Variants in DCDC1 observed in about 807,000 individuals in gnomAD.
DCDC1 encodes doublecortin domain containing 1, also known as doublecortin domain-containing protein 1.
A neutral mutation model predicts 178.3 loss-of-function variants in DCDC1; 200 were observed. That is an observed-to-expected ratio of 1.12 (90% CI 1.00 to 1.26). The LOEUF is 1.26. Ranked by LOEUF, DCDC1 falls within the 50% of genes most tolerant of loss-of-function variation. The pLI, the probability that DCDC1 is intolerant of heterozygous loss-of-function variation, is 0.00. For missense variants in DCDC1, 1,983 were observed against 1,749.2 expected, an observed-to-expected ratio of 1.13 and a Z score of -2.38; for synonymous variants, 690 against 604.8, an observed-to-expected ratio of 1.14 and a Z score of -2.07.
chr11:30,909,001 T>C lies in DCDC1; in HGVS notation c.3863A>G (p.Asn1288Ser). The change falls in exon 29 of 39, where the codon AAT becomes AGT. Residue 1288 changes from asparagine (N) to serine (S), a missense_variant. By Grantham distance (46) the Asn-to-Ser change is conservative. Coordinates refer to ENST00000684477, the MANE Select transcript of DCDC1 (RefSeq NM_001387274.1). ...AGATGATGTACAGACACCAGCATAA[T>C]TTGCTGATGTAATTTCCTTATCCAA... is the stretch of plus-strand genomic sequence containing the variant. Reference protein sequence around the residue: ...TALDKEITSANYAGVCTSSVI... With the variant: ...TALDKEITSASYAGVCTSSVI... The C allele has an allele frequency of 6.2e-7, 1 of 1,611,210 alleles. No individual in the cohort carries two copies. The highest frequency in any genetic ancestry group is 1.7e-5 in the Admixed American group (1 of 59,844).
At chr11:31,315,305 CCTTTT>C (rs1949012883) in intron 3 of DCDC1, among the ~76,000 whole-genome samples, 3 of 111,054 alleles carry the variant, frequency 2.7e-5, no homozygotes, top group Non-Finnish European at 5.8e-5. Flanking sequence ...ATTTGCATAC[CCTTTT>C]TTTTTTTTTT....
chr11:31,120,976 G>A (rs1402701765), intron 11 of DCDC1, among the ~76,000 whole-genome samples: 2 of 152,174 alleles, frequency 1.3e-5, no homozygotes, highest in Non-Finnish European at 2.9e-5. Flanking sequence ...AAGTCACTGA[G>A]CCATGGCTCT....
chr11:31,202,118 C>T (rs535704460), intron 9 of DCDC1, among the ~76,000 whole-genome samples: 1 of 152,256 alleles, frequency 6.6e-6, no homozygotes, highest in South Asian at 2.1e-4. Context: ...GAATCATGTG[C>T]CATGAAAAAA....
chr11:31,021,768 A>T (rs1952895308), intron 20 of DCDC1, among the ~76,000 whole-genome samples: 1 of 152,210 alleles, frequency 6.6e-6, no homozygotes, highest in African/African-American at 2.4e-5. Flanking sequence ...ATAAAAGCAT[A>T]GAAAGTGCTG....
intron 36 of DCDC1, among the ~76,000 whole-genome samples, chr11:30,886,376 A>T (rs1374468990): frequency 2.6e-5 from 4 of 152,316 alleles, no homozygotes; most frequent in Admixed American, 1.3e-4. Context: ...TAAATTCTCT[A>T]TAATAATAGT....
At chr11:31,361,373 G>A (rs1219790578) in intron 1 of DCDC1, among the ~76,000 whole-genome samples, 1 of 152,150 alleles carries the variant, frequency 6.6e-6, no homozygotes, top group Admixed American at 6.5e-5. Context: ...AGCCTCATTA[G>A]CACAAAGAAA....
intron 38 of DCDC1, among the ~76,000 whole-genome samples, chr11:30,871,383 C>G (rs1372917495): frequency 6.6e-6 from 1 of 152,138 alleles, no homozygotes; most frequent in Admixed American, 6.6e-5. Context: ...AGCCTGTTTT[C>G]TGGGCTTTCC....
intron 21 of DCDC1, among the ~76,000 whole-genome samples, chr11:30,946,035 T>C (rs1374146162): frequency 5.3e-5 from 8 of 152,176 alleles, no homozygotes; most frequent in Admixed American, 2.6e-4. Flanking sequence ...TGTTGTTTCC[T>C]TTCAGAGATA....
chr11:31,349,444 T>C (rs1950969527), intron 1 of DCDC1, among the ~76,000 whole-genome samples: 2 of 152,192 alleles, frequency 1.3e-5, no homozygotes, highest in African/African-American at 4.8e-5. Context: ...ATGAATTCAA[T>C]GTTGACAAGA....
intron 9 of DCDC1, among the ~76,000 whole-genome samples, chr11:31,213,994 TG>T (rs1258190605): frequency 3.3e-5 from 5 of 152,136 alleles, no homozygotes; most frequent in East Asian, 1.9e-4. Context: ...ATAGTTTTGG[TG>T]GGGGGGACTT....
At chr11:30,957,811 A>T (rs1948856757) in intron 20 of DCDC1, among the ~76,000 whole-genome samples, 2 of 152,178 alleles carry the variant, frequency 1.3e-5, no homozygotes, top group South Asian at 4.1e-4. Context: ...ACGACATCCT[A>T]TATTGTACAA....
chr11:31,255,842 C>G (rs1363878133), intron 8 of DCDC1, among the ~76,000 whole-genome samples: 2 of 152,092 alleles, frequency 1.3e-5, no homozygotes, highest in Non-Finnish European at 2.9e-5. Flanking sequence ...TCCAATTTAG[C>G]TATTTTTTTC....
chr11:31,126,105 C>T (rs1195884781), intron 11 of DCDC1, among the ~76,000 whole-genome samples: 1 of 151,936 alleles, frequency 6.6e-6, no homozygotes, highest in East Asian at 1.9e-4. Context: ...CAAGTCACAC[C>T]GTAGTTCATA....
At chr11:30,870,621 CAG>C (rs937946934) in intron 38 of DCDC1, among the ~76,000 whole-genome samples, 7 of 152,326 alleles carry the variant, frequency 4.6e-5, no homozygotes, top group Admixed American at 3.9e-4. Context: ...GAATGCCAAT[CAG>C]AGTGTCTTGA....
At chr11:30,910,956 C>T (rs543910535) in intron 28 of DCDC1, among the ~76,000 whole-genome samples, 1 of 152,316 alleles carries the variant, frequency 6.6e-6, no homozygotes, top group African/African-American at 2.4e-5. Flanking sequence ...GGGAGCCTTG[C>T]ATATGTTCCT....
At chr11:31,128,086 A>T (rs920947928) in intron 10 of DCDC1, among the ~76,000 whole-genome samples, 5 of 151,910 alleles carry the variant, frequency 3.3e-5, no homozygotes, top group Non-Finnish European at 5.9e-5. Context: ...TTAAATTTTC[A>T]ATATATATAT....
chr11:31,013,143 T>C (rs1265925503), intron 20 of DCDC1, among the ~76,000 whole-genome samples: 1 of 152,222 alleles, frequency 6.6e-6, no homozygotes, highest in African/African-American at 2.4e-5. Context: ...CCACCAGATC[T>C]TTCTCCAGCA....
At chr11:30,908,330 C>G (rs1341416601) in intron 29 of DCDC1, among the ~76,000 whole-genome samples, 2 of 152,060 alleles carry the variant, frequency 1.3e-5, no homozygotes, top group Non-Finnish European at 2.9e-5. Flanking sequence ...AGAAAGTAAA[C>G]AAACCCCATT....
At chr11:30,907,816 G>A (rs1409793254) in intron 29 of DCDC1, among the ~76,000 whole-genome samples, 1 of 151,924 alleles carries the variant, frequency 6.6e-6, no homozygotes, top group East Asian at 1.9e-4. Context: ...GGCTCGCCAA[G>A]CAAAAAATGG....
Sources: allele counts gnomAD v4.1 joint callset (sites outside exome capture counted in the v4.1 genomes callset), GRCh38; gene constraint gnomAD v4.1.1; transcripts MANE v1.5; gene names NCBI Gene and HGNC (gene_info 2026-07-23, HGNC 2026-07-21).